The following AP4S1 variants were observed in gnomAD, a reference collection of about 807,000 sequenced individuals.
AP4S1 encodes AP-4 complex subunit sigma-1.
In AP4S1, 23 loss-of-function variants were observed where a neutral mutation model predicts 19.8. The ratio of observed to expected loss-of-function variants is 1.16; its 90% CI spans 0.84 to 1.65. The LOEUF is 1.65. Ranked by LOEUF, AP4S1 falls within the 40% of genes most tolerant of loss-of-function variation. The pLI is 0.00. For missense variants in AP4S1, 166 were observed against 172.8 expected, an observed-to-expected ratio of 0.96 and a Z score of 0.22; for synonymous variants, 46 against 54.1, an observed-to-expected ratio of 0.85 and a Z score of 0.66.
chr14:31,078,893 C>T (rs1462524775), intron 4 of AP4S1, among the ~76,000 whole-genome samples: 4 of 152,012 alleles, frequency 2.6e-5, no homozygotes, highest in Non-Finnish European at 5.9e-5. Context: ...AGGATCTGTC[C>T]CCCTCACAGA....
intron 1 of AP4S1, among the ~76,000 whole-genome samples, chr14:31,040,670 A>T (rs1438046582): frequency 6.6e-6 from 1 of 152,034 alleles, no homozygotes; most frequent in Non-Finnish European, 1.5e-5. Context: ...TTAATTTTCG[A>T]GACTATCATA....
intron 4 of AP4S1, among the ~76,000 whole-genome samples, chr14:31,076,398 T>C (rs1370999815): frequency 6.6e-6 from 1 of 152,256 alleles, no homozygotes; most frequent in African/African-American, 2.4e-5. Flanking sequence ...GTCATTTGTG[T>C]TTCACTAATG....
rs1012120997 is a variant in AP4S1, at chr14:31,026,098, G to A, written c.-72+311G>A. On this transcript the variant is annotated intron_variant, in intron 1 of 5. Transcript: ENST00000542754. ...GCCGCTCCGTTCCCCCCGGGCGAAA[G>A]GCCCAGGTTCCCCCCAGGTCCCTGC... The A allele has an allele frequency of 1.2e-5, 19 of 1,527,544 alleles. No homozygotes were observed. The African/African-American group carries it at 1.7e-4, about 14-fold the overall frequency. The allele number at this position is 1,527,544 out of a possible 1,614,324, so 94.6% of individuals were successfully genotyped here. A position where few individuals can be genotyped will look rare whatever the true frequency, so the allele number is the denominator to read the frequency against.
chr14:31,073,411 A>AC (rs1467290508), intron 4 of AP4S1, among the ~76,000 whole-genome samples: 1 of 134,192 alleles, frequency 7.5e-6, no homozygotes, highest in Non-Finnish European at 1.6e-5. Context: ...AATGGCGTGA[A>AC]CCCGGGAGGC....
chr14:31,069,578 C>G (rs1057385238), intron 2 of AP4S1, among the ~76,000 whole-genome samples: 3 of 152,154 alleles, frequency 2.0e-5, no homozygotes, highest in African/African-American at 7.2e-5. Context: ...CCACGCAGAG[C>G]AAAGCAAAGG....
chr14:31,060,045 A>G (rs1886350360), intron 1 of AP4S1, among the ~76,000 whole-genome samples: 1 of 147,328 alleles, frequency 6.8e-6, no homozygotes, highest in South Asian at 2.1e-4. Context: ...ATATGTATAT[A>G]TATTTATATA....
Position 31,073,406 on chromosome 14 carries a change from C to T in AP4S1, c.294+433C>T, listed in dbSNP as rs113827421. 1.5e-3 allele frequency among the ~76,000 whole-genome samples: 198 copies of T among 134,848 alleles called. 2 individuals are homozygous for T. The highest frequency in any genetic ancestry group is 7.6e-3 in the Middle Eastern group (2 of 262). The allele number at this position is 134,848 out of a possible 152,430, so 88.5% of individuals were successfully genotyped here. ...TCCGGAGGCTGAGGCAGGAGAATGG[C>T]GTGAACCCGGGAGGCGGAGCTTGCA... On this transcript the variant is annotated intron_variant, in intron 4 of 5. Transcript: ENST00000542754.
chr14:31,079,907 T>C (rs1454817519), intron 4 of AP4S1, among the ~76,000 whole-genome samples: 1 of 152,216 alleles, frequency 6.6e-6, no homozygotes, highest in Admixed American at 6.5e-5. Flanking sequence ...CAGTTACTGA[T>C]AACTGCTGTT....
chr14:31,043,592 T>C (rs967759996), intron 1 of AP4S1, among the ~76,000 whole-genome samples: 1 of 152,176 alleles, frequency 6.6e-6, no homozygotes, highest in Non-Finnish European at 1.5e-5. Context: ...CCTTATCTCA[T>C]TTAGCCCTCA....
At chr14:31,061,264 C>A (rs1042904918) in intron 1 of AP4S1, among the ~76,000 whole-genome samples, 1 of 151,904 alleles carries the variant, frequency 6.6e-6, no homozygotes, top group Admixed American at 6.6e-5. Context: ...GGTGATCTGC[C>A]CACCTCAGCC....
At chr14:31,040,578 A>T (rs1267229841) in intron 1 of AP4S1, among the ~76,000 whole-genome samples, 2 of 152,182 alleles carry the variant, frequency 1.3e-5, no homozygotes, top group East Asian at 3.8e-4. Flanking sequence ...CCATTAAATG[A>T]AAAGAAAAAT....
intron 5 of AP4S1, among the ~76,000 whole-genome samples, chr14:31,089,172 A>AG (rs1888008228): frequency 6.6e-6 from 1 of 152,020 alleles, no homozygotes; most frequent in Admixed American, 6.6e-5. Flanking sequence ...CCAAAAAAAA[A>AG]AAAAAAAAAG....
intron 1 of AP4S1, among the ~76,000 whole-genome samples, chr14:31,049,413 C>CAAAAA (rs1206930739): frequency 1.8e-4 from 8 of 43,522 alleles, no homozygotes; most frequent in African/African-American, 3.4e-4. Context: ...GACTCGGTCT[C>CAAAAA]AAAAAAAAAA....
At chr14:31,041,563 A>G (rs1267098908) in intron 1 of AP4S1, among the ~76,000 whole-genome samples, 3 of 152,214 alleles carry the variant, frequency 2.0e-5, no homozygotes, top group African/African-American at 7.2e-5. Flanking sequence ...CATCACATGC[A>G]TCATGGCTCA....
At position 31,093,233 on chromosome 14, in the gene AP4S1, A is replaced by T; in HGVS notation, c.*198A>T. 1 of 448,292 alleles carries T rather than the reference A, an allele frequency of 2.2e-6. No individual in the cohort carries two copies. The highest frequency in any genetic ancestry group is 3.7e-6 in the Non-Finnish European group (1 of 268,090). The allele number at this position is 448,292 out of a possible 1,614,324, so 27.8% of individuals were successfully genotyped here. The stretch of plus-strand genomic sequence containing the variant: ...TACTTTAAAATATGTACAAAGAAAA[A>T]AATTTCTTTAAACTGAGAGAGAAGT... On this transcript the variant is annotated 3_prime_UTR_variant, in exon 6 of 6. Coordinates refer to ENST00000542754, the MANE Select transcript of AP4S1 (RefSeq NM_001128126.3).
rs73252184 is a variant in AP4S1, at chr14:31,073,220, A to G, written c.294+247A>G. 0.03 allele frequency: 12,212 copies of G among 413,696 alleles called. 879 individuals are homozygous for G. The highest frequency in any genetic ancestry group is 0.18 in the African/African-American group (8,616 of 48,892). The allele number at this position is 413,696 out of a possible 1,614,324, so 25.6% of individuals were successfully genotyped here. On this transcript the variant is annotated intron_variant, in intron 4 of 5. Transcript: ENST00000542754. Reference sequence around the variant, plus strand: ...AAAAAACCTCTTATAGCAGGGCGCGATGGCTCACGCCTGTAATCCCAGCAC... The same window carrying G: ...AAAAAACCTCTTATAGCAGGGCGCGGTGGCTCACGCCTGTAATCCCAGCAC...
chr14:31,077,481 C>A (rs958597555), intron 4 of AP4S1, among the ~76,000 whole-genome samples: 1 of 152,192 alleles, frequency 6.6e-6, no homozygotes, highest in African/African-American at 2.4e-5. Context: ...AGCCTGTCTT[C>A]ATTGTCTTAG....
At chr14:31,090,472 A>T (rs1888047949) in intron 5 of AP4S1, among the ~76,000 whole-genome samples, 1 of 152,180 alleles carries the variant, frequency 6.6e-6, no homozygotes, top group Non-Finnish European at 1.5e-5. Flanking sequence ...TGTCAGCTCA[A>T]CCTTAGGGAG....
intron 5 of AP4S1, among the ~76,000 whole-genome samples, chr14:31,082,229 G>A (rs1436289000): frequency 6.6e-6 from 1 of 152,074 alleles, no homozygotes; most frequent in Non-Finnish European, 1.5e-5. Flanking sequence ...TGACCTAGAA[G>A]GGACTATAGA....
Sources: allele counts gnomAD v4.1 joint callset (sites outside exome capture counted in the v4.1 genomes callset), GRCh38; gene constraint gnomAD v4.1.1; transcripts MANE v1.5; gene names NCBI Gene and HGNC (gene_info 2026-07-23, HGNC 2026-07-21).